CUL1: variants seen among roughly 807,000 people sequenced by gnomAD.
The protein encoded by CUL1 is cullin 1, also known as cullin-1.
CUL1 carries 24 observed loss-of-function variants against 118.0 expected under a neutral mutation model. The observed-to-expected ratio is 0.20, with a 90% CI of 0.15 to 0.29. CUL1 has a LOEUF of 0.29. Among genes scored for constraint, CUL1 ranks in the 10% least tolerant of loss-of-function variants. The probability of loss-of-function intolerance (pLI) is 1.00; values close to 1 mark genes in which losing one functional copy is unlikely to be tolerated. For missense variants in CUL1, 361 were observed against 933.8 expected (o/e 0.39, Z 7.99); for synonymous variants, 332 against 340.4 (o/e 0.98, Z 0.27).
chr7:148,720,550 T>C (rs1200075177), intron 1 of CUL1, among the ~76,000 whole-genome samples: 3 of 151,768 alleles, frequency 2.0e-5, no homozygotes, highest in Admixed American at 2.0e-4. Context: ...AAAAGTGAGA[T>C]TGCACGCAAC....
intron 1 of CUL1, among the ~76,000 whole-genome samples, chr7:148,725,754 T>C (rs1798559746): frequency 6.6e-6 from 1 of 152,222 alleles, no homozygotes; most frequent in South Asian, 2.1e-4. Context: ...CTTGTAGACG[T>C]TGTTTGAGGT....
chr7:148,730,566 G>T (rs1423767913), intron 2 of CUL1, among the ~76,000 whole-genome samples: 1 of 152,126 alleles, frequency 6.6e-6, no homozygotes, highest in Non-Finnish European at 1.5e-5. Context: ...CATGTAGAAG[G>T]TTCCGTTGGG....
At chr7:148,700,377 C>G (rs1231037228) in intron 1 of CUL1, among the ~76,000 whole-genome samples, 1 of 152,178 alleles carries the variant, frequency 6.6e-6, no homozygotes, top group African/African-American at 2.4e-5. Context: ...AAGTTTAACA[C>G]TTCATTTCAT....
intron 1 of CUL1, among the ~76,000 whole-genome samples, chr7:148,710,774 C>T (rs533664282): frequency 2.0e-5 from 3 of 152,000 alleles, no homozygotes; most frequent in Non-Finnish European, 4.4e-5. Context: ...AGCAATTCTC[C>T]TGCGTCAGCC....
intron 1 of CUL1, among the ~76,000 whole-genome samples, chr7:148,718,621 A>T (rs1171577306): frequency 2.6e-5 from 4 of 151,978 alleles, no homozygotes; most frequent in Non-Finnish European, 4.4e-5. Flanking sequence ...CATTTTGCTT[A>T]TCCATTCACC....
At chr7:148,774,770 G>T (rs1370230032) in intron 9 of CUL1, among the ~76,000 whole-genome samples, 1 of 152,208 alleles carries the variant, frequency 6.6e-6, no homozygotes, top group Non-Finnish European at 1.5e-5. Context: ...AGGGCTGCTG[G>T]GTCTAACATT....
At chr7:148,756,090 G>A (rs898247328) in intron 3 of CUL1, among the ~76,000 whole-genome samples, 3 of 152,202 alleles carry the variant, frequency 2.0e-5, no homozygotes, top group African/African-American at 4.8e-5. Flanking sequence ...AAAAAATTCC[G>A]GTTAGTCTCC....
intron 1 of CUL1, among the ~76,000 whole-genome samples, chr7:148,700,265 A>C (rs1325201094): frequency 2.6e-5 from 4 of 152,192 alleles, no homozygotes; most frequent in Middle Eastern, 3.2e-3. Context: ...GAATGCACTT[A>C]ACGAAGCGGC....
chr7:148,701,086 CTTAT>C (rs1475929752), intron 1 of CUL1, among the ~76,000 whole-genome samples: 2 of 152,010 alleles, frequency 1.3e-5, no homozygotes, highest in African/African-American at 4.8e-5. Context: ...GGAGATATTC[CTTAT>C]TTGTTTTTGC....
At position 148,730,215 on chromosome 7, in the gene CUL1, G is replaced by A; in HGVS notation, c.93G>A (p.Val31=). 2 of 1,614,136 alleles carry A rather than the reference G, an allele frequency of 1.2e-6. No homozygotes were observed. The highest frequency in any genetic ancestry group is 1.1e-5 in the South Asian group (1 of 91,084). Residue 31 remains valine (V), a synonymous_variant, in exon 2 of 22, where the codon GTG becomes GTA. Transcript: ENST00000325222. Reference sequence around the variant, plus strand: ...ACCTCAGAGCCGGCATCCAGCAGGTGTACACACGGCAGAGCATGGCCAAGT... The same window carrying A: ...ACCTCAGAGCCGGCATCCAGCAGGTATACACACGGCAGAGCATGGCCAAGT... ...WDDLRAGIQQ[V]YTRQSMAKSR...
At chr7:148,739,985 T>A (rs1799089004) in intron 2 of CUL1, among the ~76,000 whole-genome samples, 1 of 152,170 alleles carries the variant, frequency 6.6e-6, no homozygotes, top group South Asian at 2.1e-4. Context: ...TTTTCCTCAA[T>A]GGACTGTCAA....
intron 17 of CUL1, among the ~76,000 whole-genome samples, chr7:148,796,863 C>T (rs1466893623): frequency 2.0e-5 from 3 of 152,220 alleles, no homozygotes; most frequent in Non-Finnish European, 4.4e-5. Context: ...TGGCTGCTGG[C>T]AGTTCTGGGT....
At chr7:148,767,525 C>G (rs545392248) in intron 8 of CUL1, 94 bp from the exon 9 acceptor site, 2 of 1,097,482 alleles carry the variant, frequency 1.8e-6, no homozygotes, top group African/African-American at 1.6e-5. Flanking sequence ...TTATCTTTTG[C>G]AGAGTATTTT....
At chr7:148,725,213 GCGCGCGCT>G (rs1798528506) in intron 1 of CUL1, among the ~76,000 whole-genome samples, 1 of 75,080 alleles carries the variant, frequency 1.3e-5, no homozygotes, top group East Asian at 3.4e-4. Flanking sequence ...ACACACACAC[GCGCGCGCT>G]CACACACACA....
chr7:148,750,804 C>G (rs1799465380), intron 2 of CUL1, among the ~76,000 whole-genome samples: 1 of 152,038 alleles, frequency 6.6e-6, no homozygotes. Context: ...TCCTAAGGCC[C>G]TTAAGAATTA....
intron 8 of CUL1, 99 bp from the exon 9 acceptor site, chr7:148,767,519 CT>C (rs1306392328): frequency 1.9e-6 from 2 of 1,059,116 alleles, no homozygotes; most frequent in African/African-American, 1.6e-5. Flanking sequence ...ACATGGTTAT[CT>C]TTTGCAGAGT....
chr7:148,778,504 A>G (rs998269069), intron 9 of CUL1, among the ~76,000 whole-genome samples: 1 of 152,164 alleles, frequency 6.6e-6, no homozygotes, highest in Non-Finnish European at 1.5e-5. Context: ...TTGCATGGAG[A>G]TAATGTTACT....
Position 148,800,379 on chromosome 7 carries a change from C to A in CUL1, c.2251-123C>A. ...TGCTAACAGATCTGGGGCGGGGACA[C>A]TGCTCCCCACTGAGCTCCGAATCAG... is the stretch of plus-strand genomic sequence containing the variant. On this transcript the variant is annotated intron_variant, in intron 21 of 21. Coordinates refer to ENST00000325222, the MANE Select transcript of CUL1 (RefSeq NM_003592.3). The surrounding 1 kb of genome is among the most constrained non-coding windows in gnomAD (Gnocchi z 4.6). 2 of 731,626 alleles carry A rather than the reference C, an allele frequency of 2.7e-6. No homozygotes were observed. The highest frequency in any genetic ancestry group is 4.7e-6 in the Non-Finnish European group (2 of 426,930). The allele number at this position is 731,626 out of a possible 1,614,324, so 45.3% of individuals were successfully genotyped here.
intron 11 of CUL1, 74 bp downstream of exon 11, chr7:148,784,151 C>A: frequency 8.5e-7 from 1 of 1,182,738 alleles, no homozygotes. Context: ...TTAAAACCTA[C>A]ATTACATTTT....
Sources: gnomAD v4.1 joint callset for allele counts (sites outside exome capture counted in the v4.1 genomes callset) on GRCh38, gnomAD v4.1.1 for gene constraint, Gnocchi (gnomAD v3.1) non-coding constraint, MANE v1.5 for transcripts, NCBI Gene and HGNC (gene_info 2026-07-23, HGNC 2026-07-21) for gene names.